Variants in CNTNAP2 observed in about 807,000 individuals in gnomAD.
The protein encoded by CNTNAP2 is contactin associated protein 2, also known as contactin-associated protein-like 2.
Under a neutral mutation model 155.2 loss-of-function variants are expected in CNTNAP2, and 98 were observed. That is an observed-to-expected ratio of 0.63 (90% confidence interval 0.54 to 0.75). CNTNAP2 has a LOEUF of 0.75. Among genes scored for constraint, CNTNAP2 ranks in the 30% least tolerant of loss-of-function variants. CNTNAP2 has a pLI of 0.00. For synonymous variants in CNTNAP2, 651 were observed against 631.2 expected, an observed-to-expected ratio of 1.03 and a Z score of -0.47; for missense variants, 1,727 against 1,688.1, an observed-to-expected ratio of 1.02 and a Z score of -0.40.
chr7:146,541,890 T>A (rs1797958635), intron 1 of CNTNAP2, among the ~76,000 whole-genome samples: 1 of 152,016 alleles, frequency 6.6e-6, no homozygotes. Context: ...CAAAATATTC[T>A]TGAATTTCCC....
chr7:146,888,884 A>G (rs1277619028), intron 3 of CNTNAP2, among the ~76,000 whole-genome samples: 1 of 152,130 alleles, frequency 6.6e-6, no homozygotes, highest in Non-Finnish European at 1.5e-5. Context: ...GCAACATCTC[A>G]GTTATGCAAG....
intron 8 of CNTNAP2, among the ~76,000 whole-genome samples, chr7:147,280,184 G>T (rs889876872): frequency 1.3e-5 from 2 of 151,942 alleles, no homozygotes; most frequent in Non-Finnish European, 2.9e-5. Context: ...AAAATCAACA[G>T]TGAAAAGAGG....
intron 8 of CNTNAP2, among the ~76,000 whole-genome samples, chr7:147,141,944 A>C (rs1187602284): frequency 2.6e-5 from 4 of 152,182 alleles, no homozygotes; most frequent in African/African-American, 9.7e-5. Flanking sequence ...ACTTTGCTGA[A>C]GTTGCCTATC....
intron 12 of CNTNAP2, among the ~76,000 whole-genome samples, chr7:147,568,494 A>T (rs138272005): frequency 3.4e-4 from 52 of 152,322 alleles, no homozygotes; most frequent in Middle Eastern, 3.4e-3. Context: ...GATTTTTCAC[A>T]GAATCCTTTG....
At chr7:146,334,164 G>C (rs1801231936) in intron 1 of CNTNAP2, among the ~76,000 whole-genome samples, 1 of 152,152 alleles carries the variant, frequency 6.6e-6, no homozygotes, top group African/African-American at 2.4e-5. Flanking sequence ...GGGCGCGGTG[G>C]CTCACGCCTG....
Position 147,067,746 on chromosome 7 carries a change from A to G in CNTNAP2, c.550+23692A>G, listed in dbSNP as rs146255657. ...AAAGAAATTCTTCATTGATAGAAAG[A>G]AAATAATTTCAACAAGCATTCTGTT... On this transcript the variant is annotated intron_variant, in intron 4 of 23. Transcript: ENST00000361727. Among the ~76,000 whole-genome samples the G allele has an allele frequency of 5.9e-4, 90 of 152,322 alleles. No individual in the cohort carries two copies. The East Asian group carries it at 0.015, about 26-fold the overall frequency.
intron 12 of CNTNAP2, among the ~76,000 whole-genome samples, chr7:147,631,761 G>T (rs1390984385): frequency 2.2e-4 from 33 of 152,150 alleles, no homozygotes; most frequent in Non-Finnish European, 2.9e-5. Context: ...ATGGTGCTGG[G>T]ATAATTGGCA....
At chr7:147,945,089 T>C (rs1800796682) in intron 14 of CNTNAP2, among the ~76,000 whole-genome samples, 1 of 152,218 alleles carries the variant, frequency 6.6e-6, no homozygotes, top group Non-Finnish European at 1.5e-5. Flanking sequence ...TAGAATTATA[T>C]CCAAATTGCT....
At chr7:147,765,346 T>C (rs1797366782) in intron 13 of CNTNAP2, among the ~76,000 whole-genome samples, 1 of 152,160 alleles carries the variant, frequency 6.6e-6, no homozygotes, top group South Asian at 2.1e-4. Context: ...AGTAATCACA[T>C]GGTGAATAAA....
At chr7:148,205,150 G>C (rs1795428869) in intron 18 of CNTNAP2, among the ~76,000 whole-genome samples, 1 of 152,158 alleles carries the variant, frequency 6.6e-6, no homozygotes, top group Non-Finnish European at 1.5e-5. Context: ...GAACCACTAG[G>C]GTCAAGAATT....
At chr7:146,148,707 G>A (rs956350484) in intron 1 of CNTNAP2, among the ~76,000 whole-genome samples, 1 of 151,952 alleles carries the variant, frequency 6.6e-6, no homozygotes, top group African/African-American at 2.4e-5. Flanking sequence ...ATATTACAAA[G>A]GCTATAATCA....
intron 3 of CNTNAP2, among the ~76,000 whole-genome samples, chr7:146,973,425 A>G (rs1186914702): frequency 6.6e-6 from 1 of 152,246 alleles, no homozygotes; most frequent in Non-Finnish European, 1.5e-5. Context: ...TCACACTGAA[A>G]GTACTATTAG....
chr7:146,358,825 A>C (rs1795041026), intron 1 of CNTNAP2, among the ~76,000 whole-genome samples: 1 of 152,218 alleles, frequency 6.6e-6, no homozygotes, highest in Non-Finnish European at 1.5e-5. Context: ...AATGAGAAAG[A>C]AAGCCAGTAG....
chr7:147,285,137 G>A (rs1805147611), intron 8 of CNTNAP2, among the ~76,000 whole-genome samples: 2 of 151,750 alleles, frequency 1.3e-5, no homozygotes, highest in Non-Finnish European at 2.9e-5. Context: ...AATTTATAAA[G>A]CAATTTAAGA....
intron 1 of CNTNAP2, among the ~76,000 whole-genome samples, chr7:146,153,232 C>G (rs897565627): frequency 6.6e-6 from 1 of 152,042 alleles, no homozygotes; most frequent in Admixed American, 6.6e-5. Context: ...GAAATTTGTA[C>G]AATGTTTTCA....
chr7:147,784,099 C>T (rs1797696756), intron 13 of CNTNAP2, among the ~76,000 whole-genome samples: 2 of 151,972 alleles, frequency 1.3e-5, no homozygotes, highest in African/African-American at 4.8e-5. Context: ...ATGGAATTCT[C>T]TCTTTGTGCA....
intron 10 of CNTNAP2, among the ~76,000 whole-genome samples, chr7:147,454,952 A>G (rs1232246446): frequency 6.6e-6 from 1 of 152,108 alleles, no homozygotes; most frequent in Non-Finnish European, 1.5e-5. Flanking sequence ...TGACAGGATC[A>G]TGGTCTTTAA....
intron 8 of CNTNAP2, among the ~76,000 whole-genome samples, chr7:147,250,540 C>A (rs1022527898): frequency 6.6e-6 from 1 of 151,714 alleles, no homozygotes; most frequent in Non-Finnish European, 1.5e-5. Flanking sequence ...TAAGCACCCC[C>A]CACCCCCCCA....
At chr7:146,716,554 A>G (rs1222714774) in intron 1 of CNTNAP2, among the ~76,000 whole-genome samples, 2 of 152,178 alleles carry the variant, frequency 1.3e-5, no homozygotes, top group Non-Finnish European at 2.9e-5. Context: ...TTGGTGTTGT[A>G]TTTGCCCTTT....
Sources: gnomAD v4.1 joint callset for allele counts (sites outside exome capture counted in the v4.1 genomes callset) on GRCh38, gnomAD v4.1.1 for gene constraint, MANE v1.5 for transcripts, NCBI Gene and HGNC (gene_info 2026-07-23, HGNC 2026-07-21) for gene names.